Variants in BTNL2 observed in about 807,000 individuals in gnomAD.
BTNL2 encodes butyrophilin-like protein 2.
Under a neutral mutation model 46.8 loss-of-function variants are expected in BTNL2, and 46 were observed. The ratio of observed to expected loss-of-function variants is 0.98; its 90% CI spans 0.78 to 1.26. The LOEUF (loss-of-function observed/expected upper bound fraction) is 1.26, where lower values mean the gene tolerates loss of function less well. Ranked by LOEUF, BTNL2 falls within the 50% of genes most tolerant of loss-of-function variation. BTNL2 has a pLI of 0.00. For missense variants in BTNL2, 461 were observed against 592.6 expected, an observed-to-expected ratio of 0.78 and a Z score of 2.31; for synonymous variants, 226 against 229.1, an observed-to-expected ratio of 0.99 and a Z score of 0.12.
intron 4 of BTNL2, among the ~76,000 whole-genome samples, chr6:32,398,727 G>A (rs923978690): frequency 3.3e-5 from 5 of 152,182 alleles, no homozygotes; most frequent in Non-Finnish European, 7.3e-5. Flanking sequence ...CTTCAATGGA[G>A]ACTGAAGGAA....
chr6:32,398,274 T>C (rs1370186217), intron 4 of BTNL2, among the ~76,000 whole-genome samples: 10 of 152,228 alleles, frequency 6.6e-5, no homozygotes, highest in Non-Finnish European at 1.2e-4. Flanking sequence ...GTTCTCTGCA[T>C]AGAGTCACTG....
chr6:32,396,416 A>G lies in BTNL2; in HGVS notation c.731-30T>C, dbSNP rs772265296. ...TAAATAGAGTGGACAAAACACAATG[A>G]AAGAATCAAAATGGAACCAATAATG... is the stretch of plus-strand genomic sequence containing the variant. On this transcript the variant is annotated intron_variant, in intron 4 of 7. Coordinates refer to ENST00000454136, the MANE Select transcript of BTNL2 (RefSeq NM_001304561.2). The surrounding 1 kb of genome is among the most constrained non-coding windows in gnomAD (Gnocchi z 4.4). The G allele has an allele frequency of 6.4e-6, 10 of 1,573,104 alleles. No individual in the cohort carries two copies. Among genetic ancestry groups the G allele is most frequent in the Middle Eastern group, 1.7e-4 (1 of 6,002 alleles).
At chr6:32,395,177 G>T in intron 5 of BTNL2, 152 bp from the exon 6 acceptor site, 2 of 627,928 alleles carry the variant, frequency 3.2e-6, no homozygotes, top group Non-Finnish European at 5.0e-6. Context: ...GAGGCTGGCT[G>T]GAGCATTTTC....
intron 3 of BTNL2, among the ~76,000 whole-genome samples, chr6:32,402,555 A>G (rs1464666744): frequency 6.6e-6 from 1 of 152,192 alleles, no homozygotes; most frequent in Admixed American, 6.5e-5. Context: ...TTAATATTCT[A>G]TTATGCAAAT....
intron 2 of BTNL2, 66 bp downstream of exon 2, chr6:32,404,873 C>A: frequency 6.8e-7 from 1 of 1,461,616 alleles, no homozygotes; most frequent in Non-Finnish European, 9.5e-7. Flanking sequence ...TCAACTGTCA[C>A]AAAGCTTACC....
At chr6:32,405,315 G>A (rs1274404660) in intron 1 of BTNL2, 29 bp from the exon 2 acceptor site, 9 of 1,604,232 alleles carry the variant, frequency 5.6e-6, no homozygotes, top group Non-Finnish European at 7.7e-6. Context: ...AGAGGAACGA[G>A]GAAATGCCAA....
At chr6:32,401,207 CAAAAAAAAAAAAAAAAAAAAAA>C (rs9279632) in intron 4 of BTNL2, among the ~76,000 whole-genome samples, 2 of 38,918 alleles carry the variant, frequency 5.1e-5, no homozygotes, top group African/African-American at 1.5e-4. Context: ...GACTCCGTCT[CAAAAAAAAAAAAAAAAAAAAAA>C]AAAAAAAAAA....
chr6:32,404,887 A>T, intron 2 of BTNL2, 52 bp downstream of exon 2: 1 of 1,530,254 alleles, frequency 6.5e-7, no homozygotes, highest in South Asian at 1.2e-5. Context: ...GCTTACCACA[A>T]ATTAATATAT....
rs1356777626 is a variant in BTNL2 at position 32,405,020 on chromosome 6, G to A, written c.346C>T (p.Pro116Ser). The change falls in exon 2 of 8, where the codon CCC becomes TCC. Residue 116 changes from proline (P) to serine (S), a missense_variant. By Grantham distance (74) the Pro-to-Ser change is moderately conservative (BLOSUM62 -1). Transcript: ENST00000454136. ...CACCAGTATTGTCCATTGTCGGAGG[G>A]CTGGATGTTGTGTATCTTCAGTGCC... ...NVALKIHNIQPSDNGQYWCHF... is the reference protein window; with the variant it reads ...NVALKIHNIQSSDNGQYWCHF... 3.1e-6 allele frequency: 5 copies of A among 1,613,054 alleles called. No individual in the cohort carries two copies. The East Asian group carries it at 1.1e-4, about 36-fold the overall frequency.
At chr6:32,406,428 G>A (rs73400890) in intron 1 of BTNL2, 18,497 of 151,900 alleles carry the variant, frequency 0.12, 1,340 homozygotes, top group East Asian at 0.31. Context: ...CAGAGCCTGC[G>A]CCCTCTGATG....
At position 32,407,149 on chromosome 6, in the gene BTNL2, C is replaced by T. The variant is rs370212647; in HGVS notation, c.-26G>A. The stretch of plus-strand genomic sequence containing the variant: ...CCTCCCTGGAACAAAGACAAGGAAA[C>T]GCTGTGCCTAAGTGAGGCTGTGACA... On this transcript the variant is annotated 5_prime_UTR_variant, in exon 1 of 8. Transcript: ENST00000454136. 153 of 1,605,496 alleles carry T rather than the reference C, an allele frequency of 9.5e-5. 1 individual carries two copies. Among genetic ancestry groups the T allele is most frequent in the Non-Finnish European group, 1.2e-4 (136 of 1,173,496 alleles).
In BTNL2 at chr6:32,401,207, C is replaced by CAAAAAAAAAAAAAAAAAAAA. The variant is rs9279632; in HGVS notation, c.730+558_730+577dup. Among the ~76,000 whole-genome samples, 21 of 38,916 alleles carry CAAAAAAAAAAAAAAAAAAAA rather than the reference C, an allele frequency of 5.4e-4. 3 individuals are homozygous for CAAAAAAAAAAAAAAAAAAAA. Among genetic ancestry groups the CAAAAAAAAAAAAAAAAAAAA allele is most frequent in the Non-Finnish European group, 6.7e-4 (17 of 25,472 alleles). The allele number at this position is 38,916 out of a possible 152,430, so 25.5% of individuals were successfully genotyped here. On this transcript the variant is annotated intron_variant, in intron 4 of 7. Coordinates refer to ENST00000454136, the MANE Select transcript of BTNL2 (RefSeq NM_001304561.2). Reference sequence around the variant, plus strand: ...TGGGCGACAGAGCAAGACTCCGTCTCAAAAAAAAAAAAAAAAAAAAAAAAA... The same window carrying CAAAAAAAAAAAAAAAAAAAA: ...TGGGCGACAGAGCAAGACTCCGTCTCAAAAAAAAAAAAAAAAAAAAAAAAAAAAAAAAAAAAAAAAAAAAA...
chr6:32,401,472 C>T (rs117154887), intron 4 of BTNL2, among the ~76,000 whole-genome samples: 1,839 of 152,102 alleles, frequency 0.012, 67 homozygotes, highest in East Asian at 0.11. Context: ...TGCTGTCATC[C>T]CCCACACATT....
rs1777056501 is a variant in BTNL2 at position 32,405,231 on chromosome 6, A to C, written c.135T>G (p.Asp45Glu). The C allele has an allele frequency of 6.2e-7, 1 of 1,613,002 alleles. No individual in the cohort carries two copies. The highest frequency in any genetic ancestry group is 2.2e-5 in the East Asian group (1 of 44,876). ...AHPILAGVGE[D>E]ALLTCQLLPK... Reference sequence around the variant, plus strand: ...GGAGTAGCTGGCAGGTTAACAGGGCATCTTCCCCAACCCCGGCCAGGATAG... The same window carrying C: ...GGAGTAGCTGGCAGGTTAACAGGGCCTCTTCCCCAACCCCGGCCAGGATAG... The change falls in exon 2 of 8, where the codon GAT becomes GAG. Residue 45 changes from aspartate to glutamate, a missense_variant. Asp to Glu is a conservative substitution (Grantham distance 45, BLOSUM62 2). Transcript: ENST00000454136.
At position 32,396,527 on chromosome 6, in the gene BTNL2, G is replaced by A. The variant is rs751363572; in HGVS notation, c.731-141C>T. On this transcript the variant is annotated intron_variant, in intron 4 of 7. Coordinates refer to ENST00000454136, the MANE Select transcript of BTNL2 (RefSeq NM_001304561.2). The surrounding 1 kb of genome is among the most constrained non-coding windows in gnomAD (Gnocchi z 4.4). ...AGGCTCAGGGTCATCCTTAGGTGAG[G>A]TGGGGGTTTCATGGACTCAGAATAG... 7.6e-5 allele frequency: 60 copies of A among 794,412 alleles called. 2 individuals are homozygous for A. Among genetic ancestry groups the A allele is most frequent in the Non-Finnish European group, 1.2e-4 (57 of 480,372 alleles). 49.2% of individuals were successfully genotyped at this position (794,412 alleles called of 1,614,324 possible). A position where few individuals can be genotyped will look rare whatever the true frequency, so the allele number is the denominator to read the frequency against.
Position 32,396,497 on chromosome 6 carries a change from C to CTCA in BTNL2, c.731-112_731-111insTGA. On this transcript the variant is annotated intron_variant, in intron 4 of 7. Coordinates refer to ENST00000454136, the MANE Select transcript of BTNL2 (RefSeq NM_001304561.2). This position sits in a 1 kb window ranked among gnomAD's most constrained non-coding sequence, Gnocchi z 4.4. The stretch of plus-strand genomic sequence containing the variant: ...AGAAACCATGAGCATCCCAGGGTTG[C>CTCA]TGTGAGGCTCAGGGTCATCCTTAGG... 1.8e-6 allele frequency: 2 copies of CTCA among 1,092,822 alleles called. No homozygotes were observed. The highest frequency in any genetic ancestry group is 2.7e-6 in the Non-Finnish European group (2 of 744,062). 67.7% of individuals were successfully genotyped at this position (1,092,822 alleles called of 1,614,324 possible). A position where few individuals can be genotyped will look rare whatever the true frequency, so the allele number is the denominator to read the frequency against.
At position 32,396,850 on chromosome 6, in the gene BTNL2, G is replaced by A. The variant is rs1169450657; in HGVS notation, c.731-464C>T. The stretch of plus-strand genomic sequence containing the variant: ...CAAAAATTAGTCGGGCATGATGGTG[G>A]GTGCCTGTAATCCCAGCTACTCAGG... On this transcript the variant is annotated intron_variant, in intron 4 of 7. Coordinates refer to ENST00000454136, the MANE Select transcript of BTNL2 (RefSeq NM_001304561.2). The surrounding 1 kb of genome is among the most constrained non-coding windows in gnomAD (Gnocchi z 4.4). 6.6e-6 allele frequency among the ~76,000 whole-genome samples: 1 copy of A among 151,834 alleles called. No homozygotes were observed. Among genetic ancestry groups the A allele is most frequent in the East Asian group, 2.0e-4 (1 of 5,128 alleles).
Position 32,394,670 on chromosome 6 carries a change from C to T in BTNL2, c.1360+74G>A, listed in dbSNP as rs28732203. The T allele has an allele frequency of 0.034, 50,238 of 1,469,436 alleles. 1,126 individuals are homozygous for T. Among genetic ancestry groups the T allele is most frequent in the South Asian group, 0.052 (4,008 of 77,178 alleles). The allele number at this position is 1,469,436 out of a possible 1,614,324, so 91.0% of individuals were successfully genotyped here. A position where few individuals can be genotyped will look rare whatever the true frequency, so the allele number is the denominator to read the frequency against. On this transcript the variant is annotated intron_variant, in intron 6 of 7. Transcript: ENST00000454136. The surrounding 1 kb of genome is among the most constrained non-coding windows in gnomAD (Gnocchi z 4.6). ...AATAAAAATCACAAAGGAAGAAGAG[C>T]AATACAATGAGTAAGTCTGAGTTGG...
Position 32,396,905 on chromosome 6 carries a change from G to A in BTNL2, c.731-519C>T, listed in dbSNP as rs192326539. The stretch of plus-strand genomic sequence containing the variant: ...TGAGGTGGAAAAATTGCTCGAACCC[G>A]GGAGGCAGAGGTTGCAGTGAGCTGA... On this transcript the variant is annotated intron_variant, in intron 4 of 7. Transcript: ENST00000454136. The surrounding 1 kb of genome is among the most constrained non-coding windows in gnomAD (Gnocchi z 4.4). 2.3e-3 allele frequency among the ~76,000 whole-genome samples: 346 copies of A among 152,034 alleles called. No individual in the cohort carries two copies. The highest frequency in any genetic ancestry group is 7.1e-3 in the African/African-American group (296 of 41,516).
Sources: gnomAD v4.1 joint callset for allele counts (sites outside exome capture counted in the v4.1 genomes callset) on GRCh38, gnomAD v4.1.1 for gene constraint, Gnocchi (gnomAD v3.1) non-coding constraint, MANE v1.5 for transcripts, NCBI Gene and HGNC (gene_info 2026-07-23, HGNC 2026-07-21) for gene names.